RAD51B: variants seen among roughly 807,000 people sequenced by gnomAD.
RAD51B encodes RAD51 paralog B.
A neutral mutation model predicts 42.2 loss-of-function variants in RAD51B; 38 were observed. The observed-to-expected ratio is 0.90, with a 90% CI of 0.70 to 1.18. RAD51B has a LOEUF of 1.18. RAD51B is among the 50% of genes most tolerant of loss of function. The pLI is 0.00. For missense variants in RAD51B, 373 were observed against 400.7 expected, an observed-to-expected ratio of 0.93 and a Z score of 0.59; for synonymous variants, 154 against 145.2, an observed-to-expected ratio of 1.06 and a Z score of -0.43.
At chr14:68,407,937 A>C (rs1471679111) in intron 8 of RAD51B, among the ~76,000 whole-genome samples, 1 of 152,166 alleles carries the variant, frequency 6.6e-6, no homozygotes, top group Non-Finnish European at 1.5e-5. Context: ...TTCTCTGAAG[A>C]CACTTGGGAG....
intron 7 of RAD51B, among the ~76,000 whole-genome samples, chr14:68,281,249 A>G (rs578041477): frequency 6.6e-6 from 1 of 152,332 alleles, no homozygotes; most frequent in East Asian, 1.9e-4. Context: ...TGGGTAAACC[A>G]TGAGAAATAG....
intron 7 of RAD51B, among the ~76,000 whole-genome samples, chr14:68,174,840 T>G (rs2078934198): frequency 6.6e-6 from 1 of 152,230 alleles, no homozygotes; most frequent in Non-Finnish European, 1.5e-5. Context: ...TAATCCTCTT[T>G]TCAAGGACTG....
chr14:68,491,273 A>C (rs746318106), intron 10 of RAD51B, among the ~76,000 whole-genome samples: 33 of 152,142 alleles, frequency 2.2e-4, no homozygotes, highest in Non-Finnish European at 1.3e-4. Context: ...ACTCTGAGAT[A>C]TATGATGTGG....
chr14:68,090,332 T>A (rs2077069707), intron 7 of RAD51B, among the ~76,000 whole-genome samples: 1 of 152,188 alleles, frequency 6.6e-6, no homozygotes, highest in Non-Finnish European at 1.5e-5. Flanking sequence ...CTTTAGAAAA[T>A]CCAACTCTCT....
intron 7 of RAD51B, among the ~76,000 whole-genome samples, chr14:68,089,872 A>G: frequency 6.6e-6 from 1 of 152,166 alleles, no homozygotes; most frequent in East Asian, 1.9e-4. Flanking sequence ...ATCATTTTAG[A>G]TTTATATATG....
intron 10 of RAD51B, among the ~76,000 whole-genome samples, chr14:68,521,822 G>A (rs1176534483): frequency 6.6e-6 from 1 of 152,176 alleles, no homozygotes; most frequent in Non-Finnish European, 1.5e-5. Flanking sequence ...CCATGCATCT[G>A]ACAATTACAG....
At chr14:68,134,357 TA>T (rs1434205221) in intron 7 of RAD51B, among the ~76,000 whole-genome samples, 1 of 152,232 alleles carries the variant, frequency 6.6e-6, no homozygotes, top group Non-Finnish European at 1.5e-5. Flanking sequence ...CTTTTAAGGA[TA>T]TTTGGATAGT....
intron 7 of RAD51B, among the ~76,000 whole-genome samples, chr14:68,170,120 A>G (rs187250095): frequency 6.6e-6 from 1 of 152,282 alleles, no homozygotes; most frequent in Admixed American, 6.5e-5. Flanking sequence ...TTTTAAATTG[A>G]AAGATGGAGT....
intron 10 of RAD51B, among the ~76,000 whole-genome samples, chr14:68,561,188 G>T (rs190005676): frequency 1.3e-5 from 2 of 152,166 alleles, no homozygotes; most frequent in African/African-American, 4.8e-5. Flanking sequence ...CAAGCTCTTC[G>T]CATGGTGCCC....
chr14:68,228,621 CT>C (rs1405301662), intron 7 of RAD51B, among the ~76,000 whole-genome samples: 3 of 152,076 alleles, frequency 2.0e-5, no homozygotes, highest in East Asian at 1.9e-4. Context: ...GTAAGACATG[CT>C]TTATAAATTT....
intron 3 of RAD51B, among the ~76,000 whole-genome samples, chr14:67,829,207 G>A (rs888675329): frequency 6.6e-5 from 10 of 151,158 alleles, no homozygotes; most frequent in Non-Finnish European, 1.2e-4. Context: ...CACATCCCTT[G>A]TTAGCTATAT....
intron 10 of RAD51B, among the ~76,000 whole-genome samples, chr14:68,571,570 T>C (rs1889702338): frequency 6.6e-6 from 1 of 152,226 alleles, no homozygotes; most frequent in East Asian, 1.9e-4. Context: ...TCTGCCTCCC[T>C]CTTCTTCTTT....
chr14:68,563,735 G>C, intron 10 of RAD51B: 1 of 985,438 alleles, frequency 1.0e-6, no homozygotes. Context: ...GAAAGAGGGA[G>C]AGGTGGTGGG....
chr14:68,266,416 T>C (rs2080993213), intron 7 of RAD51B, among the ~76,000 whole-genome samples: 1 of 152,188 alleles, frequency 6.6e-6, no homozygotes, highest in Non-Finnish European at 1.5e-5. Flanking sequence ...CTTCCAAGTA[T>C]AGGGTAGGAC....
At chr14:68,153,615 C>T (rs556937322) in intron 7 of RAD51B, among the ~76,000 whole-genome samples, 57 of 152,172 alleles carry the variant, frequency 3.7e-4, no homozygotes, top group African/African-American at 1.2e-3. Flanking sequence ...TTCATATGCT[C>T]GTTGGCCATA....
intron 7 of RAD51B, among the ~76,000 whole-genome samples, chr14:67,991,929 T>G (rs937172610): frequency 6.6e-6 from 1 of 152,116 alleles, no homozygotes; most frequent in Non-Finnish European, 1.5e-5. Flanking sequence ...TATTACAGAA[T>G]AGAGGAGAAA....
At chr14:68,339,758 A>T (rs1476853030) in intron 8 of RAD51B, among the ~76,000 whole-genome samples, 1 of 152,204 alleles carries the variant, frequency 6.6e-6, no homozygotes, top group Non-Finnish European at 1.5e-5. Context: ...ATAAATAGGG[A>T]TCAGTCTAAA....
intron 7 of RAD51B, among the ~76,000 whole-genome samples, chr14:68,073,971 T>C (rs1277057366): frequency 6.6e-6 from 1 of 152,160 alleles, no homozygotes; most frequent in Non-Finnish European, 1.5e-5. Context: ...TTCTCTCACA[T>C]TGATGTTGGA....
intron 9 of RAD51B, among the ~76,000 whole-genome samples, chr14:68,461,036 C>T (rs58925277): frequency 0.015 from 2,244 of 152,020 alleles, 59 homozygotes; most frequent in African/African-American, 0.051. Flanking sequence ...GAAGGAGCAG[C>T]AACAACAAGA....
Sources: gnomAD v4.1 joint callset for allele counts (sites outside exome capture counted in the v4.1 genomes callset) on GRCh38, gnomAD v4.1.1 for gene constraint, MANE v1.5 for transcripts, NCBI Gene and HGNC (gene_info 2026-07-23, HGNC 2026-07-21) for gene names.